GJA3: variants seen among roughly 807,000 people sequenced by gnomAD.
GJA3 encodes gap junction alpha-3 protein.
For missense variants in GJA3, 571 were observed against 620.3 expected (o/e 0.92, Z 0.84); for synonymous variants, 297 against 292.6 (o/e 1.02, Z -0.15).
chr13:20,144,788 C>G (rs1021473404), intron 1 of GJA3, among the ~76,000 whole-genome samples: 3 of 152,190 alleles, frequency 2.0e-5, no homozygotes, highest in Non-Finnish European at 2.9e-5. Flanking sequence ...GGAATGGGAA[C>G]AGAAAAACAG....
chr13:20,142,303 G>C lies in GJA3; in HGVS notation c.986C>G (p.Ala329Gly). The change falls in exon 2 of 2, where the codon GCC becomes GGC. Residue 329 changes from alanine (A) to glycine (G), a missense_variant. Coordinates refer to ENST00000241125, the MANE Select transcript of GJA3 (RefSeq NM_021954.4). The stretch of plus-strand genomic sequence containing the variant: ...GGGCTGCCGCTCGGCCGCCTGGTTG[G>C]CCCAGTTCTGCTCAGTCATCAGCAG... ...HHLLMTEQNW[A>G]NQAAERQPPA... The C allele has an allele frequency of 1.3e-6, 2 of 1,573,602 alleles. No individual in the cohort carries two copies. Among genetic ancestry groups the C allele is most frequent in the Non-Finnish European group, 1.7e-6 (2 of 1,160,862 alleles).
rs766975987 is a variant in GJA3 at position 20,142,276 on chromosome 13, G to C, written c.1013C>G (p.Pro338Arg). Residue 338 changes from proline to arginine, a missense_variant, in exon 2 of 2, where the codon CCG (proline) becomes CGG (arginine). Transcript: ENST00000241125. The part of the protein sequence containing the change: ...WANQAAERQP[P>R]ALKAYPAAST... ...CGCTGCCGGGTAAGCCTTGAGCGCC[G>C]GGGGCTGCCGCTCGGCCGCCTGGTT... The C allele has an allele frequency of 2.6e-6, 4 of 1,564,560 alleles. No individual in the cohort carries two copies. The highest frequency in any genetic ancestry group is 8.6e-7 in the Non-Finnish European group (1 of 1,158,238).
intron 1 of GJA3, among the ~76,000 whole-genome samples, chr13:20,144,264 A>T (rs563905935): frequency 1.3e-5 from 2 of 152,198 alleles, no homozygotes; most frequent in Middle Eastern, 3.2e-3. Context: ...GGGCAGAGGA[A>T]GCACTTGGGG....
rs886050011 is a variant in GJA3, at chr13:20,140,140, G to A, written c.*1841C>T. On this transcript the variant is annotated 3_prime_UTR_variant, in exon 2 of 2. Transcript: ENST00000241125. ...GGCTGTAGTTATGCACCAGCCTGGA[G>A]AGGAGTGAGAAAGTCACTCACAGTT... 3.3e-5 allele frequency: 5 copies of A among 152,170 alleles called. No homozygotes were observed. 9.4% of individuals were successfully genotyped at this position (152,170 alleles called of 1,614,324 possible). A position where few individuals can be genotyped will look rare whatever the true frequency, so the allele number is the denominator to read the frequency against.
At chr13:20,158,756 A>G (rs1198864712) in intron 1 of GJA3, among the ~76,000 whole-genome samples, 1 of 151,896 alleles carries the variant, frequency 6.6e-6, no homozygotes, top group African/African-American at 2.4e-5. Context: ...TACTAAAAAT[A>G]CAAAAATTAG....
rs1958800945 is a variant in GJA3, at chr13:20,140,490, G to T, written c.*1491C>A. 1.3e-5 allele frequency: 2 copies of T among 152,206 alleles called. No homozygotes were observed. The highest frequency in any genetic ancestry group is 4.1e-4 in the South Asian group (2 of 4,830). The allele number at this position is 152,206 out of a possible 1,614,324, so 9.4% of individuals were successfully genotyped here. On this transcript the variant is annotated 3_prime_UTR_variant, in exon 2 of 2. Transcript: ENST00000241125. Reference sequence around the variant, plus strand: ...AGAAATGTATTACATTGGTCTCGCTGAACAAGGGCTAATGATACTCAGTAG... The same window carrying T: ...AGAAATGTATTACATTGGTCTCGCTTAACAAGGGCTAATGATACTCAGTAG...
rs111570432 is a variant in GJA3 at position 20,141,881 on chromosome 13, T to A, written c.*100A>T. 4.0e-6 allele frequency: 6 copies of A among 1,509,718 alleles called. No individual in the cohort carries two copies. In the African/African-American group the frequency reaches 5.6e-5, roughly 14 times the overall value. 93.5% of individuals were successfully genotyped at this position (1,509,718 alleles called of 1,614,324 possible). On this transcript the variant is annotated 3_prime_UTR_variant, in exon 2 of 2. Transcript: ENST00000241125. Reference sequence around the variant, plus strand: ...TGGGACTCCAGTCGCTCCCACCTCCTGGGACTTTCAGGTTCTATCTGCTGG... The same window carrying A: ...TGGGACTCCAGTCGCTCCCACCTCCAGGGACTTTCAGGTTCTATCTGCTGG...
rs1958817426 is a variant in GJA3 at position 20,142,589 on chromosome 13, C to T, written c.700G>A (p.Val234Met). 1.9e-6 allele frequency: 3 copies of T among 1,608,952 alleles called. No individual in the cohort carries two copies. The highest frequency in any genetic ancestry group is 2.5e-6 in the Non-Finnish European group (3 of 1,178,208). Residue 234 changes from valine to methionine, a missense_variant, in exon 2 of 2, where the codon GTG becomes ATG. Transcript: ENST00000241125. Reference sequence around the variant, plus strand: ...GCGTCCGGGCCGAGGCGGCTGGTCACGCCCTGCTTGAGCTTCTTCCAGCCC... The same window carrying T: ...GCGTCCGGGCCGAGGCGGCTGGTCATGCCCTGCTTGAGCTTCTTCCAGCCC... ...HLGWKKLKQG[V>M]TSRLGPDASE...
At chr13:20,151,879 G>C (rs1413472631) in intron 1 of GJA3, among the ~76,000 whole-genome samples, 1 of 152,132 alleles carries the variant, frequency 6.6e-6, no homozygotes, top group Admixed American at 6.5e-5. Context: ...ACAGCCTCCA[G>C]GAAGGAGGCT....
At chr13:20,143,995 A>G (rs1958828263) in intron 1 of GJA3, among the ~76,000 whole-genome samples, 1 of 152,216 alleles carries the variant, frequency 6.6e-6, no homozygotes, top group Non-Finnish European at 1.5e-5. Context: ...GATACAGTCT[A>G]TGGGATATTG....
At chr13:20,149,401 A>G (rs1237276169) in intron 1 of GJA3, among the ~76,000 whole-genome samples, 5 of 152,078 alleles carry the variant, frequency 3.3e-5, no homozygotes, top group African/African-American at 9.7e-5. Flanking sequence ...GGGAGGATCA[A>G]TTGAGCCAGG....
intron 1 of GJA3, among the ~76,000 whole-genome samples, chr13:20,158,560 G>C (rs552746391): frequency 8.4e-4 from 128 of 152,018 alleles, no homozygotes; most frequent in African/African-American, 2.8e-3. Flanking sequence ...AGACACATAA[G>C]AGTGTGGAAA....
At chr13:20,143,599 C>A (rs1196970915) in intron 1 of GJA3, among the ~76,000 whole-genome samples, 1 of 152,264 alleles carries the variant, frequency 6.6e-6, no homozygotes, top group African/African-American at 2.4e-5. Flanking sequence ...CTGAGGCTGA[C>A]CCTACAGGAG....
chr13:20,158,933 A>G (rs1288678604), intron 1 of GJA3, among the ~76,000 whole-genome samples: 2 of 149,916 alleles, frequency 1.3e-5, no homozygotes, highest in Admixed American at 6.6e-5. Context: ...AAAAAAAAAA[A>G]AAAGAAAAAG....
chr13:20,144,180 G>A (rs1237911830), intron 1 of GJA3, among the ~76,000 whole-genome samples: 1 of 152,170 alleles, frequency 6.6e-6, no homozygotes, highest in Non-Finnish European at 1.5e-5. Flanking sequence ...ATCCACTGAC[G>A]ACCACCTGAA....
chr13:20,142,924 G>C lies in GJA3; in HGVS notation c.365C>G (p.Pro122Arg). The part of the protein sequence containing the change: ...EEQLKRESPS[P>R]KEPPQDNPSS... ...GGGATTGTCCTGCGGTGGCTCCTTG[G>C]GGCTGGGGCTCTCTCTCTTCAGCTG... is the stretch of plus-strand genomic sequence containing the variant. The change falls in exon 2 of 2, where the codon CCC becomes CGC. Residue 122 changes from proline (P) to arginine (R), a missense_variant. Pro to Arg is a moderately radical substitution (Grantham distance 103). Transcript: ENST00000241125. 3.8e-6 allele frequency: 6 copies of C among 1,579,550 alleles called. No individual in the cohort carries two copies. The highest frequency in any genetic ancestry group is 5.2e-6 in the Non-Finnish European group (6 of 1,162,636).
chr13:20,144,141 AG>A (rs1371994675), intron 1 of GJA3, among the ~76,000 whole-genome samples: 1 of 152,206 alleles, frequency 6.6e-6, no homozygotes, highest in African/African-American at 2.4e-5. Flanking sequence ...GAATTGATAA[AG>A]GAATGATCTT....
intron 1 of GJA3, among the ~76,000 whole-genome samples, chr13:20,154,350 A>G (rs1958896437): frequency 6.6e-6 from 1 of 152,216 alleles, no homozygotes; most frequent in South Asian, 2.1e-4. Context: ...GTTGTTCTGA[A>G]GAGTTTTTAA....
chr13:20,149,375 C>T lies in GJA3; in HGVS notation c.-17-6070G>A, dbSNP rs181471582. Among the ~76,000 whole-genome samples the T allele has an allele frequency of 3.9e-3, 587 of 151,936 alleles. 3 individuals are homozygous for T. Among genetic ancestry groups the T allele is most frequent in the Non-Finnish European group, 6.2e-3 (424 of 67,960 alleles). On this transcript the variant is annotated intron_variant, in intron 1 of 1. Transcript: ENST00000241125. ...TGGTGCATGCCTATAGTACCAGCTA[C>T]GTGGGGGGCTGTGGTGGGAGGATCA...
Sources: gnomAD v4.1 joint callset for allele counts (sites outside exome capture counted in the v4.1 genomes callset) on GRCh38, gnomAD v4.1.1 for gene constraint, MANE v1.5 for transcripts, NCBI Gene and HGNC (gene_info 2026-07-23, HGNC 2026-07-21) for gene names.